LSAMP: variants seen among roughly 807,000 people sequenced by gnomAD.
The protein encoded by LSAMP is limbic system-associated membrane protein.
Under a neutral mutation model 38.6 loss-of-function variants are expected in LSAMP, and 7 were observed. That is an observed-to-expected ratio of 0.18 (90% confidence interval 0.10 to 0.34). The LOEUF (loss-of-function observed/expected upper bound fraction) is 0.34. LSAMP is among the 10% of genes least tolerant of loss of function. The pLI is 1.00. For synonymous variants in LSAMP, 154 were observed against 166.8 expected (o/e 0.92, Z 0.59); for missense variants, 313 against 420.0 (o/e 0.75, Z 2.23).
At chr3:116,333,405 G>T (rs2047877350) in intron 1 of LSAMP, among the ~76,000 whole-genome samples, 1 of 151,996 alleles carries the variant, frequency 6.6e-6, no homozygotes, top group Admixed American at 6.6e-5. Context: ...AAGGTGTGGT[G>T]GTGGGCATGT....
At chr3:116,221,844 A>AGTGTGTGTGTGTGTGT (rs58596077) in intron 1 of LSAMP, among the ~76,000 whole-genome samples, 36 of 145,480 alleles carry the variant, frequency 2.5e-4, no homozygotes, top group African/African-American at 6.9e-4. Flanking sequence ...CCTAAAAAGA[A>AGTGTGTGTGTGTGTGT]GTGTGTGTGT....
At chr3:116,229,880 A>C (rs1308810269) in intron 1 of LSAMP, among the ~76,000 whole-genome samples, 1 of 152,148 alleles carries the variant, frequency 6.6e-6, no homozygotes, top group Non-Finnish European at 1.5e-5. Flanking sequence ...ATTGACTAAA[A>C]AATGTAATGG....
intron 3 of LSAMP, among the ~76,000 whole-genome samples, chr3:115,909,660 A>G (rs961683275): frequency 2.0e-5 from 3 of 152,214 alleles, no homozygotes; most frequent in African/African-American, 4.8e-5. Context: ...AGGGAGCATC[A>G]GGCCAATATT....
chr3:116,182,721 G>A (rs1054469643), intron 1 of LSAMP, among the ~76,000 whole-genome samples: 9 of 151,830 alleles, frequency 5.9e-5, no homozygotes, highest in African/African-American at 1.9e-4. Flanking sequence ...TTTTGGTAGA[G>A]ATGTCTGATT....
At chr3:115,896,232 G>T (rs991840408) in intron 3 of LSAMP, among the ~76,000 whole-genome samples, 1 of 152,014 alleles carries the variant, frequency 6.6e-6, no homozygotes, top group South Asian at 2.1e-4. Context: ...CAGTTCTTAG[G>T]ATTGTTTGTA....
intron 1 of LSAMP, among the ~76,000 whole-genome samples, chr3:116,267,164 T>A (rs1449462417): frequency 6.6e-6 from 1 of 152,134 alleles, no homozygotes; most frequent in Admixed American, 6.6e-5. Context: ...TACATTTTTT[T>A]TTGAAGTTGG....
chr3:115,842,144 A>G (rs1379459075), intron 5 of LSAMP, 151 bp from the exon 6 acceptor site: 2 of 800,978 alleles, frequency 2.5e-6, no homozygotes, highest in East Asian at 2.6e-5. Context: ...TAACTGTGCA[A>G]TGCCATATTA....
Position 116,011,568 on chromosome 3 carries a change from C to CA in LSAMP, c.514+7946dup, listed in dbSNP as rs11288603. Among the ~76,000 whole-genome samples, 234 of 147,920 alleles carry CA rather than the reference C, an allele frequency of 1.6e-3. 1 individual carries two copies. The highest frequency in any genetic ancestry group is 5.2e-3 in the East Asian group (26 of 5,006). On this transcript the variant is annotated intron_variant, in intron 3 of 6. Coordinates refer to ENST00000490035, the MANE Select transcript of LSAMP (RefSeq NM_002338.5). ...AGTGCTGGGAAATAGGAAAATTAAG[C>CA]AAAAAAAAAAATTAACCTGACCATT...
intron 4 of LSAMP, among the ~76,000 whole-genome samples, chr3:115,847,403 T>C (rs1935193735): frequency 6.6e-6 from 1 of 152,184 alleles, no homozygotes; most frequent in Non-Finnish European, 1.5e-5. Context: ...GCCAGCAATA[T>C]TAAACAATGT....
chr3:116,005,576 C>A (rs1332655347), intron 3 of LSAMP, among the ~76,000 whole-genome samples: 4 of 152,300 alleles, frequency 2.6e-5, no homozygotes, highest in African/African-American at 9.6e-5. Context: ...CAGCAGAGCC[C>A]GTGATCCACT....
chr3:115,803,748 A>C lies in LSAMP; in HGVS notation c.*6569T>G, dbSNP rs1933569711. ...CTTTGGGAAACTTATCCCATGAGAA[A>C]TTCCTTCCAAAACAAAATGTATTGT... On this transcript the variant is annotated 3_prime_UTR_variant, in exon 7 of 7. Transcript: ENST00000490035. 6.6e-6 allele frequency: 1 copy of C among 152,196 alleles called. No individual in the cohort carries two copies. Among genetic ancestry groups the C allele is most frequent in the South Asian group, 2.1e-4 (1 of 4,830 alleles). The allele number at this position is 152,196 out of a possible 1,614,324, so 9.4% of individuals were successfully genotyped here.
intron 1 of LSAMP, among the ~76,000 whole-genome samples, chr3:116,400,420 T>TTCCG (rs1553731623): frequency 7.1e-6 from 1 of 141,232 alleles, no homozygotes; most frequent in African/African-American, 2.8e-5. Flanking sequence ...CTTTCCCTCC[T>TTCCG]TCCCTCCCTC....
intron 6 of LSAMP, among the ~76,000 whole-genome samples, chr3:115,819,824 TAGGA>T (rs1934169451): frequency 6.6e-6 from 1 of 152,200 alleles, no homozygotes; most frequent in South Asian, 2.1e-4. Context: ...CATTTTTCTT[TAGGA>T]AAAGAGAATG....
chr3:116,088,524 T>C (rs890334730), intron 1 of LSAMP, among the ~76,000 whole-genome samples: 4 of 152,208 alleles, frequency 2.6e-5, no homozygotes, highest in African/African-American at 7.2e-5. Flanking sequence ...AATTAATTAA[T>C]AGGATGTTTG....
rs114995008 is a variant in LSAMP at position 116,249,284 on chromosome 3, C to G, written c.156-162728G>C. 3.5e-3 allele frequency among the ~76,000 whole-genome samples: 532 copies of G among 152,152 alleles called. 4 individuals carry two copies. Among genetic ancestry groups the G allele is most frequent in the African/African-American group, 0.012 (513 of 41,502 alleles). Reference sequence around the variant, plus strand: ...TTAACAGCACATGTGAACTCTTTATCTGATATTTTTTTCCACTTCCATGCC... The same window carrying G: ...TTAACAGCACATGTGAACTCTTTATGTGATATTTTTTTCCACTTCCATGCC... On this transcript the variant is annotated intron_variant, in intron 1 of 6. Transcript: ENST00000490035.
chr3:116,379,431 A>G (rs546295386), intron 1 of LSAMP, among the ~76,000 whole-genome samples: 12 of 152,114 alleles, frequency 7.9e-5, no homozygotes, highest in African/African-American at 2.9e-4. Flanking sequence ...AGTATATATT[A>G]TTGGACATAA....
At chr3:116,143,264 A>G (rs1265428346) in intron 1 of LSAMP, among the ~76,000 whole-genome samples, 1 of 151,686 alleles carries the variant, frequency 6.6e-6, no homozygotes, top group East Asian at 1.9e-4. Context: ...CAGTTTTGCC[A>G]TTTTTTTCTA....
chr3:116,371,501 A>T (rs1444426698), intron 1 of LSAMP, among the ~76,000 whole-genome samples: 1 of 152,110 alleles, frequency 6.6e-6, no homozygotes, highest in African/African-American at 2.4e-5. Flanking sequence ...TACAACAAAA[A>T]CAATCAACAT....
intron 2 of LSAMP, among the ~76,000 whole-genome samples, chr3:116,030,605 G>T (rs1576319462): frequency 6.6e-6 from 1 of 152,144 alleles, no homozygotes; most frequent in Non-Finnish European, 1.5e-5. Context: ...TTTAGATACT[G>T]TCCAACCAGA....
Sources: allele counts gnomAD v4.1 joint callset (sites outside exome capture counted in the v4.1 genomes callset), GRCh38; gene constraint gnomAD v4.1.1; transcripts MANE v1.5; gene names NCBI Gene and HGNC (gene_info 2026-07-23, HGNC 2026-07-21).